The following RGS3 variants were observed in gnomAD, a reference collection of about 807,000 sequenced individuals.
RGS3 encodes regulator of G-protein signalling 3.
In RGS3, 80 loss-of-function variants were observed where a neutral mutation model predicts 132.6. That is an observed-to-expected ratio of 0.60 (90% confidence interval 0.50 to 0.73). The LOEUF is 0.73. RGS3 is among the 30% of genes least tolerant of loss of function. The pLI, the probability that RGS3 is intolerant of heterozygous loss-of-function variation, is 0.00. For synonymous variants in RGS3, 598 were observed against 620.6 expected (o/e 0.96, Z 0.54); for missense variants, 1,382 against 1,530.8 (o/e 0.90, Z 1.62).
intron 19 of RGS3, among the ~76,000 whole-genome samples, chr9:113,576,658 A>G (rs1431878912): frequency 6.6e-6 from 1 of 152,094 alleles, no homozygotes; most frequent in East Asian, 1.9e-4. Context: ...TATTCATTCA[A>G]ACACTTCAGG....
chr9:113,479,247 C>G, intron 3 of RGS3: 5 of 554,180 alleles, frequency 9.0e-6, no homozygotes, highest in Non-Finnish European at 1.6e-5. Flanking sequence ...AGTGAGCTCC[C>G]CATCACCAGA....
intron 19 of RGS3, chr9:113,582,923 A>G (rs1010947882): frequency 6.1e-6 from 1 of 163,824 alleles, no homozygotes; most frequent in African/African-American, 2.4e-5. Context: ...TTCAGAGCAC[A>G]TTCTTGTTTG....
chr9:113,477,581 A>G (rs531832327), intron 3 of RGS3, among the ~76,000 whole-genome samples: 2 of 152,270 alleles, frequency 1.3e-5, no homozygotes, highest in East Asian at 3.9e-4. Context: ...AGCTGGCCAG[A>G]TGGGATGATG....
At chr9:113,505,739 A>G (rs1162258713) in intron 11 of RGS3, among the ~76,000 whole-genome samples, 1 of 152,226 alleles carries the variant, frequency 6.6e-6, no homozygotes, top group Non-Finnish European at 1.5e-5. Flanking sequence ...AAATGAAAAT[A>G]GGTTTTTATA....
intron 18 of RGS3, among the ~76,000 whole-genome samples, chr9:113,535,422 C>T (rs1030224287): frequency 2.0e-5 from 3 of 152,310 alleles, no homozygotes; most frequent in Admixed American, 1.3e-4. Context: ...CCACCCGCCT[C>T]GGCCTCCCAA....
rs1288502699 is a variant in RGS3 at position 113,463,387 on chromosome 9, G to A, written c.415+1186G>A. On this transcript the variant is annotated intron_variant, in intron 3 of 24. Transcript: ENST00000350696. The surrounding 1 kb of genome is among the most constrained non-coding windows in gnomAD (Gnocchi z 4.6). ...GAGCTTCAAAGCAGGTTATAAACCC[G>A]ACTAATTGCTGGTCTAGGAGAGCTG... is the stretch of plus-strand genomic sequence containing the variant. Among the ~76,000 whole-genome samples the A allele has an allele frequency of 2.0e-5, 3 of 152,190 alleles. No individual in the cohort carries two copies. Among genetic ancestry groups the A allele is most frequent in the Non-Finnish European group, 4.4e-5 (3 of 68,036 alleles).
chr9:113,534,654 C>G (rs553978748), intron 18 of RGS3, among the ~76,000 whole-genome samples: 1 of 149,614 alleles, frequency 6.7e-6, no homozygotes, highest in Admixed American at 6.7e-5. Context: ...CCCTGTCGCC[C>G]AGGCTGGAGT....
upstream of RGS3, among the ~76,000 whole-genome samples, chr9:113,457,099 G>A (rs148187800): frequency 3.9e-5 from 6 of 152,180 alleles, no homozygotes; most frequent in South Asian, 6.2e-4. Flanking sequence ...CCTGGCCGAG[G>A]CCCTGTATGA....
intron 24 of RGS3, among the ~76,000 whole-genome samples, chr9:113,596,362 C>G (rs1351576602): frequency 6.6e-6 from 1 of 152,236 alleles, no homozygotes; most frequent in Non-Finnish European, 1.5e-5. Flanking sequence ...CTACTGTGTG[C>G]CAGGCACTAT....
chr9:113,569,150 C>T (rs1834144886), intron 19 of RGS3, among the ~76,000 whole-genome samples: 1 of 152,192 alleles, frequency 6.6e-6, no homozygotes, highest in African/African-American at 2.4e-5. Context: ...CGGCTCCCAA[C>T]TTAGAAAGGG....
At chr9:113,488,479 C>T (rs1255189075) in intron 7 of RGS3, among the ~76,000 whole-genome samples, 1 of 152,208 alleles carries the variant, frequency 6.6e-6, no homozygotes, top group Non-Finnish European at 1.5e-5. Context: ...TTTGAAGGGA[C>T]AGGCCAATGA....
In RGS3 at chr9:113,543,523, G is replaced by T. The variant is rs545515062; in HGVS notation, c.2037+6605G>T. 3.3e-5 allele frequency among the ~76,000 whole-genome samples: 5 copies of T among 152,310 alleles called. No individual in the cohort carries two copies. The East Asian group carries it at 5.8e-4, about 18-fold the overall frequency. ...CTGTCTGCCAGGGCTCAGCCCGCGG[G>T]GGGGATTTGTGAGAGGCTGAGCAGC... On this transcript the variant is annotated intron_variant, in intron 19 of 24. Coordinates refer to ENST00000350696, the Ensembl canonical transcript of RGS3.
At chr9:113,587,385 G>A (rs1381977322) in intron 20 of RGS3, among the ~76,000 whole-genome samples, 1 of 152,226 alleles carries the variant, frequency 6.6e-6, no homozygotes. Context: ...GAGGGGTGAA[G>A]TGTTCAGGCT....
At chr9:113,488,815 G>C (rs1382862771) in intron 7 of RGS3, among the ~76,000 whole-genome samples, 2 of 152,216 alleles carry the variant, frequency 1.3e-5, no homozygotes, top group African/African-American at 4.8e-5. Context: ...AGGCCGGCCT[G>C]GCCTCCTTGC....
chr9:113,590,539 T>C (rs1218369154), intron 20 of RGS3, among the ~76,000 whole-genome samples: 1 of 151,302 alleles, frequency 6.6e-6, no homozygotes, highest in Non-Finnish European at 1.5e-5. Flanking sequence ...CACTCATCTA[T>C]CCATCCACCT....
chr9:113,525,889 TG>T (rs1055897269), intron 17 of RGS3, among the ~76,000 whole-genome samples: 2 of 152,146 alleles, frequency 1.3e-5, no homozygotes, highest in Non-Finnish European at 2.9e-5. Context: ...GTTCGGGAGC[TG>T]GGGGTGCACC....
At chr9:113,589,722 T>C (rs1835319562) in intron 20 of RGS3, among the ~76,000 whole-genome samples, 1 of 152,114 alleles carries the variant, frequency 6.6e-6, no homozygotes, top group South Asian at 2.1e-4. Context: ...ATGGTGACAG[T>C]GGTAACACTC....
intron 19 of RGS3, among the ~76,000 whole-genome samples, chr9:113,576,873 G>GC (rs1318278475): frequency 2.0e-5 from 3 of 152,250 alleles, no homozygotes; most frequent in Non-Finnish European, 4.4e-5. Flanking sequence ...GCCACTGTGA[G>GC]CCCCACATCA....
rs542921387 is a variant in RGS3 at position 113,476,986 on chromosome 9, G to C, written c.416-2505G>C. ...TGTTAAACATAGGTGTCTTTGAGTT[G>C]GTGAAATTCAACCCATGACTGCGGG... is the stretch of plus-strand genomic sequence containing the variant. On this transcript the variant is annotated intron_variant, in intron 3 of 24. Transcript: ENST00000350696. Among the ~76,000 whole-genome samples, 36 of 152,192 alleles carry C rather than the reference G, an allele frequency of 2.4e-4. No homozygotes were observed. In the South Asian group the frequency reaches 4.6e-3, roughly 19 times the overall value.
Sources: allele counts gnomAD v4.1 joint callset (sites outside exome capture counted in the v4.1 genomes callset), GRCh38; gene constraint gnomAD v4.1.1; non-coding constraint Gnocchi (gnomAD v3.1); transcripts MANE v1.5; gene names NCBI Gene and HGNC (gene_info 2026-07-23, HGNC 2026-07-21).